The following ESRRG variants were observed in gnomAD, a reference collection of about 807,000 sequenced individuals.
ESRRG encodes the protein estrogen-related receptor gamma.
In ESRRG, 13 loss-of-function variants were observed where a neutral mutation model predicts 44.0. The ratio of observed to expected loss-of-function variants is 0.30; its 90% CI spans 0.19 to 0.47. The LOEUF (loss-of-function observed/expected upper bound fraction) is 0.47. Ranked by LOEUF, ESRRG falls within the 20% of genes least tolerant of loss-of-function variation. The probability of loss-of-function intolerance (pLI) is 1.00; values close to 1 mark genes in which losing one functional copy is unlikely to be tolerated. For missense variants in ESRRG, 395 were observed against 580.6 expected, an observed-to-expected ratio of 0.68 and a Z score of 3.29; for synonymous variants, 215 against 214.6, an observed-to-expected ratio of 1.00 and a Z score of -0.02.
chr1:216,751,161 T>C (rs1472677982), intron 2 of ESRRG, among the ~76,000 whole-genome samples: 1 of 152,162 alleles, frequency 6.6e-6, no homozygotes, highest in African/African-American at 2.4e-5. Context: ...TTATTCTTAG[T>C]CTCCTTACAC....
At position 216,846,902 on chromosome 1, in the gene ESRRG, A is replaced by T. The variant is rs150498977; in HGVS notation, c.-14+92680T>A. ...TTTTGTATATATATTTATATATATA[A>T]AACTAATTCAGATGCAGAAAGCAAG... On this transcript the variant is annotated intron_variant, in intron 2 of 7. Coordinates refer to the ESRRG transcript ENST00000359162. 3.0e-3 allele frequency among the ~76,000 whole-genome samples: 456 copies of T among 151,908 alleles called. 1 individual carries two copies. The highest frequency in any genetic ancestry group is 0.01 in the African/African-American group (431 of 41,336).
intron 2 of ESRRG, among the ~76,000 whole-genome samples, chr1:216,664,619 T>C (rs1290055278): frequency 1.3e-5 from 2 of 150,468 alleles, no homozygotes; most frequent in Non-Finnish European, 3.0e-5. Context: ...ATATATAAAT[T>C]TGGCATATCT....
At chr1:217,011,064 AC>A (rs1054438330) in intron 1 of ESRRG, among the ~76,000 whole-genome samples, 4 of 152,220 alleles carry the variant, frequency 2.6e-5, no homozygotes, top group Admixed American at 6.5e-5. Flanking sequence ...TACCAAGGTT[AC>A]CACCAAACGC....
chr1:216,588,806 A>G lies in ESRRG; in HGVS notation c.590-20708T>C, dbSNP rs533919277. Among the ~76,000 whole-genome samples, 32 of 152,324 alleles carry G rather than the reference A, an allele frequency of 2.1e-4. No individual in the cohort carries two copies. The South Asian group carries it at 6.6e-3, about 32-fold the overall frequency. On this transcript the variant is annotated intron_variant, in intron 3 of 6. Transcript: ENST00000408911. ...AATAGAAAAAGAAGGGAAACAAGGA[A>G]AGCAGATAATTGATTCATTGATTCT...
intron 2 of ESRRG, among the ~76,000 whole-genome samples, chr1:216,652,816 T>C (rs2069334472): frequency 6.6e-6 from 1 of 152,130 alleles, no homozygotes; most frequent in Non-Finnish European, 1.5e-5. Flanking sequence ...TTATTTTGCA[T>C]CAAAAGAGTG....
At chr1:216,903,960 A>G (rs1447894480) in intron 2 of ESRRG, among the ~76,000 whole-genome samples, 1 of 152,150 alleles carries the variant, frequency 6.6e-6, no homozygotes, top group African/African-American at 2.4e-5. Flanking sequence ...GCCTGATTCA[A>G]AGAGCCTGGG....
At chr1:217,133,096 G>T (rs917105956) in intron 1 of ESRRG, among the ~76,000 whole-genome samples, 1 of 152,250 alleles carries the variant, frequency 6.6e-6, no homozygotes, top group African/African-American at 2.4e-5. Context: ...GAGGCCTAGC[G>T]CGGGAAGGAC....
intron 2 of ESRRG, among the ~76,000 whole-genome samples, chr1:216,880,736 A>G (rs951438837): frequency 6.6e-6 from 1 of 152,194 alleles, no homozygotes; most frequent in African/African-American, 2.4e-5. Context: ...AAAACACTAA[A>G]TATGGCAGGA....
At chr1:216,741,756 A>G (rs1294770824) in intron 2 of ESRRG, among the ~76,000 whole-genome samples, 1 of 152,166 alleles carries the variant, frequency 6.6e-6, no homozygotes, top group East Asian at 1.9e-4. Context: ...AATTCTTACT[A>G]TTATGAAACA....
upstream of ESRRG, among the ~76,000 whole-genome samples, chr1:217,091,731 G>C (rs1339220): frequency 2.0e-5 from 3 of 152,066 alleles, no homozygotes; most frequent in Non-Finnish European, 2.9e-5. Context: ...GTTACCAGAG[G>C]CATAGATGTT....
At chr1:217,102,879 T>G (rs1317976049) in intron 1 of ESRRG, among the ~76,000 whole-genome samples, 2 of 151,606 alleles carry the variant, frequency 1.3e-5, no homozygotes, top group Non-Finnish European at 2.9e-5. Flanking sequence ...GTGGGAAGAA[T>G]GGGTCAAAGA....
At chr1:216,922,444 G>T (rs1163361567) in intron 2 of ESRRG, among the ~76,000 whole-genome samples, 1 of 152,080 alleles carries the variant, frequency 6.6e-6, no homozygotes, top group Non-Finnish European at 1.5e-5. Flanking sequence ...GAAATCTAAG[G>T]ATCATATTTG....
At chr1:216,958,029 A>G (rs1164153424) in intron 1 of ESRRG, among the ~76,000 whole-genome samples, 1 of 73,062 alleles carries the variant, frequency 1.4e-5, no homozygotes, top group South Asian at 3.7e-4. Flanking sequence ...ATGGAAACGT[A>G]TAGTACGCAC....
At chr1:216,748,714 T>G (rs1404130783) in intron 2 of ESRRG, among the ~76,000 whole-genome samples, 1 of 152,204 alleles carries the variant, frequency 6.6e-6, no homozygotes, top group South Asian at 2.1e-4. Flanking sequence ...TCTGGAAGGA[T>G]GTTGTCAGGC....
chr1:217,083,593 C>T (rs957408131), intron 1 of ESRRG, among the ~76,000 whole-genome samples: 2 of 152,134 alleles, frequency 1.3e-5, no homozygotes, highest in African/African-American at 2.4e-5. Context: ...AGCACCATTT[C>T]GAGTGACCTT....
At chr1:216,973,236 A>T (rs1168207181) in intron 1 of ESRRG, among the ~76,000 whole-genome samples, 2 of 152,136 alleles carry the variant, frequency 1.3e-5, no homozygotes, top group Non-Finnish European at 2.9e-5. Context: ...GGTAAAAGCC[A>T]CAGCCATGAT....
upstream of ESRRG, among the ~76,000 whole-genome samples, chr1:217,093,869 TA>T (rs1460817477): frequency 6.6e-6 from 1 of 151,468 alleles, no homozygotes; most frequent in African/African-American, 2.4e-5. Flanking sequence ...TTTATTATTA[TA>T]TTTTTTATTA....
At chr1:216,681,974 C>A (rs1260881183) in intron 1 of ESRRG, 2 of 152,150 alleles carry the variant, frequency 1.3e-5, no homozygotes. Context: ...TCAAAGTGGT[C>A]TGCATTTCGA....
At chr1:216,622,154 A>G (rs1190558157) in intron 3 of ESRRG, among the ~76,000 whole-genome samples, 1 of 152,214 alleles carries the variant, frequency 6.6e-6, no homozygotes, top group African/African-American at 2.4e-5. Context: ...TCTAGCCAAA[A>G]TGATACTTAC....
Sources: allele counts gnomAD v4.1 joint callset (sites outside exome capture counted in the v4.1 genomes callset), GRCh38; gene constraint gnomAD v4.1.1; transcripts MANE v1.5; gene names NCBI Gene and HGNC (gene_info 2026-07-23, HGNC 2026-07-21).